The following ELOVL6 variants were observed in gnomAD, a reference collection of about 807,000 sequenced individuals.
The protein encoded by ELOVL6 is very long chain fatty acid elongase 6.
Under a neutral mutation model 31.7 loss-of-function variants are expected in ELOVL6, and 8 were observed. That is an observed-to-expected ratio of 0.25 (90% CI 0.15 to 0.45). ELOVL6 has a LOEUF of 0.45. Among genes scored for constraint, ELOVL6 ranks in the 20% least tolerant of loss-of-function variants. ELOVL6 has a pLI of 1.00. For missense variants in ELOVL6, 126 were observed against 326.4 expected (o/e 0.39, Z 4.73); for synonymous variants, 101 against 117.7 (o/e 0.86, Z 0.92).
At chr4:110,187,243 T>A (rs945600914) in intron 1 of ELOVL6, among the ~76,000 whole-genome samples, 4 of 151,878 alleles carry the variant, frequency 2.6e-5, no homozygotes, top group Non-Finnish European at 1.5e-5. Flanking sequence ...GCACCACAAT[T>A]AAGAGGTCCT....
chr4:110,129,690 T>C (rs891669321), intron 1 of ELOVL6, among the ~76,000 whole-genome samples: 7 of 152,138 alleles, frequency 4.6e-5, no homozygotes, highest in African/African-American at 1.4e-4. Context: ...GCAGCAACCA[T>C]CTTATAGCCG....
intron 1 of ELOVL6, among the ~76,000 whole-genome samples, chr4:110,186,173 G>A (rs1759432808): frequency 1.3e-5 from 2 of 152,050 alleles, no homozygotes; most frequent in Admixed American, 6.6e-5. Context: ...CTGGGCAACA[G>A]AGCGAGACTC....
chr4:110,130,518 T>C (rs1333556392), intron 1 of ELOVL6, among the ~76,000 whole-genome samples: 2 of 152,174 alleles, frequency 1.3e-5, no homozygotes, highest in East Asian at 3.9e-4. Flanking sequence ...GACCAAGTAC[T>C]AAAAATGACT....
intron 1 of ELOVL6, among the ~76,000 whole-genome samples, chr4:110,111,429 G>GT (rs5860999): frequency 4.6e-4 from 67 of 145,674 alleles, no homozygotes; most frequent in African/African-American, 8.9e-4. Flanking sequence ...AAACCTTTCA[G>GT]TTTTTTTTTT....
intron 1 of ELOVL6, among the ~76,000 whole-genome samples, chr4:110,127,406 C>CAAAAAAAAAAAAAAAAA (rs572027886): frequency 8.2e-5 from 7 of 85,494 alleles, no homozygotes; most frequent in East Asian, 3.9e-4. Context: ...GATTCCGTCT[C>CAAAAAAAAAAAAAAAAA]AAAAAAAAAA....
At chr4:110,084,259 AGC>A (rs1756092541) in intron 2 of ELOVL6, among the ~76,000 whole-genome samples, 2 of 128,218 alleles carry the variant, frequency 1.6e-5, no homozygotes, top group African/African-American at 5.9e-5. Context: ...TATAACATAT[AGC>A]TTATATGTGA....
intron 2 of ELOVL6, among the ~76,000 whole-genome samples, chr4:110,076,827 C>T (rs1193848504): frequency 6.6e-6 from 1 of 152,220 alleles, no homozygotes; most frequent in Non-Finnish European, 1.5e-5. Flanking sequence ...AGGGAACTCC[C>T]TTTCCTAGTC....
At chr4:110,071,195 C>T (rs1461535596) in intron 2 of ELOVL6, among the ~76,000 whole-genome samples, 1 of 152,134 alleles carries the variant, frequency 6.6e-6, no homozygotes, top group East Asian at 1.9e-4. Flanking sequence ...CCAGTTCCTT[C>T]CTTTGGGTTC....
chr4:110,142,575 T>C (rs1757994744), intron 1 of ELOVL6, among the ~76,000 whole-genome samples: 1 of 152,218 alleles, frequency 6.6e-6, no homozygotes, highest in Non-Finnish European at 1.5e-5. Context: ...AATGAATGAC[T>C]TAATGGAATA....
chr4:110,158,657 A>ATTTTTTTTT (rs1184682018), intron 1 of ELOVL6, among the ~76,000 whole-genome samples: 20 of 74,156 alleles, frequency 2.7e-4, no homozygotes, highest in African/African-American at 6.6e-4. Flanking sequence ...ATATATATAT[A>ATTTTTTTTT]TTTTTTTTTT....
chr4:110,077,367 G>C (rs1417409854), intron 2 of ELOVL6, among the ~76,000 whole-genome samples: 1 of 152,168 alleles, frequency 6.6e-6, no homozygotes, highest in African/African-American at 2.4e-5. Context: ...ACCTCACACA[G>C]CCGGGTGCTC....
chr4:110,119,598 C>G (rs907437556), intron 1 of ELOVL6, among the ~76,000 whole-genome samples: 1 of 152,138 alleles, frequency 6.6e-6, no homozygotes, highest in Admixed American at 6.5e-5. Flanking sequence ...TTTAGGAGTC[C>G]TTTATCTCTA....
At chr4:110,089,278 T>C (rs1005118528) in intron 2 of ELOVL6, among the ~76,000 whole-genome samples, 1 of 152,162 alleles carries the variant, frequency 6.6e-6, no homozygotes, top group African/African-American at 2.4e-5. Context: ...ATAACTACAG[T>C]TGGCCTTCAA....
intron 1 of ELOVL6, among the ~76,000 whole-genome samples, chr4:110,115,753 A>C (rs959888047): frequency 1.3e-5 from 2 of 152,230 alleles, no homozygotes; most frequent in African/African-American, 4.8e-5. Flanking sequence ...CACAAACTGA[A>C]TGGCTTCTAA....
At chr4:110,072,620 G>A (rs1004655677) in intron 2 of ELOVL6, among the ~76,000 whole-genome samples, 1 of 151,838 alleles carries the variant, frequency 6.6e-6, no homozygotes, top group Non-Finnish European at 1.5e-5. Context: ...GGCAACAGTT[G>A]GCAGTGACTA....
At chr4:110,067,126 G>T (rs1242298481) in intron 2 of ELOVL6, among the ~76,000 whole-genome samples, 1 of 152,100 alleles carries the variant, frequency 6.6e-6, no homozygotes, top group Non-Finnish European at 1.5e-5. Flanking sequence ...AGTTAAATCG[G>T]GGCATAGGTT....
Position 110,081,354 on chromosome 4 carries a change from T to C in ELOVL6, c.222-21600A>G, listed in dbSNP as rs1755841269. ...CTAACTTCAAACTATACTACAAGGC[T>C]ACAGAAACCAAAACAGCATGGTACT... On this transcript the variant is annotated intron_variant, in intron 2 of 3. Transcript: ENST00000302274. Among the ~76,000 whole-genome samples, 4 of 152,272 alleles carry C rather than the reference T, an allele frequency of 2.6e-5. No homozygotes were observed. In the South Asian group the frequency reaches 8.3e-4, roughly 32 times the overall value.
At chr4:110,156,510 A>AC (rs950741419) in intron 1 of ELOVL6, among the ~76,000 whole-genome samples, 10 of 152,028 alleles carry the variant, frequency 6.6e-5, no homozygotes, top group East Asian at 1.9e-4. Context: ...ACCTAGAGAG[A>AC]CCCCGTCTCC....
intron 2 of ELOVL6, among the ~76,000 whole-genome samples, chr4:110,077,928 A>G (rs912057121): frequency 6.6e-6 from 1 of 152,250 alleles, no homozygotes; most frequent in Non-Finnish European, 1.5e-5. Context: ...AGGCATGAGA[A>G]CTACGTGATG....
Sources: gnomAD v4.1 joint callset for allele counts (sites outside exome capture counted in the v4.1 genomes callset) on GRCh38, gnomAD v4.1.1 for gene constraint, MANE v1.5 for transcripts, NCBI Gene and HGNC (gene_info 2026-07-23, HGNC 2026-07-21) for gene names.